Variants in CDHR1 observed in about 807,000 individuals in gnomAD.
CDHR1 encodes the protein cadherin-related family member 1.
In CDHR1, 61 loss-of-function variants were observed where a neutral mutation model predicts 72.1. The ratio of observed to expected loss-of-function variants is 0.85; its 90% CI spans 0.69 to 1.05. The LOEUF (loss-of-function observed/expected upper bound fraction) is 1.05, where lower values mean the gene tolerates loss of function less well. CDHR1 is among the 50% of genes least tolerant of loss of function. The probability of loss-of-function intolerance (pLI) is 0.00; values close to 1 mark genes in which losing one functional copy is unlikely to be tolerated. For missense variants in CDHR1, 1,186 were observed against 1,115.7 expected, an observed-to-expected ratio of 1.06 and a Z score of -0.90; for synonymous variants, 470 against 448.1, an observed-to-expected ratio of 1.05 and a Z score of -0.62.
chr10:84,213,786 C>T (rs1309973169), intron 16 of CDHR1, among the ~76,000 whole-genome samples: 1 of 152,294 alleles, frequency 6.6e-6, no homozygotes, highest in East Asian at 1.9e-4. Context: ...CCAGCTAAAG[C>T]AGGAGTTCTG....
chr10:84,198,845 C>G (rs926016044), intron 4 of CDHR1, among the ~76,000 whole-genome samples, 187 bp from the exon 5 acceptor site: 3 of 152,142 alleles, frequency 2.0e-5, no homozygotes, highest in African/African-American at 7.2e-5. Flanking sequence ...GGATGAAACA[C>G]AGTGTTTGGC....
intron 10 of CDHR1, among the ~76,000 whole-genome samples, chr10:84,206,144 G>A (rs947921144): frequency 9.2e-5 from 14 of 152,182 alleles, no homozygotes; most frequent in Non-Finnish European, 1.8e-4. Context: ...AGCATGGGTG[G>A]GATCCTGCAG....
chr10:84,208,617 C>T, intron 11 of CDHR1, 112 bp from the exon 12 acceptor site: 1 of 1,201,040 alleles, frequency 8.3e-7, no homozygotes, highest in South Asian at 1.3e-5. Flanking sequence ...GATGCAGAAA[C>T]TCTCTTAATA....
chr10:84,201,064 C>T (rs1011019455), intron 6 of CDHR1, among the ~76,000 whole-genome samples: 1 of 152,220 alleles, frequency 6.6e-6, no homozygotes, highest in African/African-American at 2.4e-5. Flanking sequence ...ATTCCCCTAA[C>T]AACACAGGCC....
downstream of CDHR1, chr10:84,219,085 A>G: frequency 9.6e-7 from 1 of 1,046,070 alleles, no homozygotes; most frequent in East Asian, 2.6e-5. Context: ...ATAGGTGAGA[A>G]GACTAAGGTA....
chr10:84,213,083 G>A lies in CDHR1; in HGVS notation c.1783-8G>A, dbSNP rs1311506508. On this transcript the variant is annotated splice_region_variant and splice_polypyrimidine_tract_variant and intron_variant, in intron 15 of 16. Coordinates refer to ENST00000623527, the MANE Select transcript of CDHR1 (RefSeq NM_033100.4). ...AGCCCAGCTCTGTCTGTCTCTCCCT[G>A]CGCACAGGCCATAGACGAGGATGCA... 1 of 1,614,182 alleles carries A rather than the reference G, an allele frequency of 6.2e-7. No individual in the cohort carries two copies. Among genetic ancestry groups the A allele is most frequent in the Admixed American group, 1.7e-5 (1 of 60,022 alleles).
At chr10:84,195,655 A>C in intron 2 of CDHR1, 66 bp downstream of exon 2, 1 of 1,397,352 alleles carries the variant, frequency 7.2e-7, no homozygotes, top group Non-Finnish European at 1.0e-6. Flanking sequence ...TTAGAACACA[A>C]AGTGCCCCAG....
downstream of CDHR1, chr10:84,218,968 T>TAA: frequency 6.3e-5 from 34 of 543,448 alleles, no homozygotes; most frequent in South Asian, 2.3e-4. Flanking sequence ...CTTTGTATGT[T>TAA]AAAAAAAAAG....
Position 84,214,111 on chromosome 10 carries a change from C to T in CDHR1, c.2070C>T (p.Phe690=). The part of the protein sequence containing the change: ...ETLSRSPMAA[F]LIQTKDNPMK... ...TCTCCCGGAGCCCCATGGCTGCCTT[C>T]CTGATACAGACCAAGGACAACCCCA... Residue 690 remains phenylalanine, a synonymous_variant, in exon 17 of 17, where the codon TTC becomes TTT. Transcript: ENST00000623527. 6.2e-7 allele frequency: 1 copy of T among 1,614,250 alleles called. No individual in the cohort carries two copies. The highest frequency in any genetic ancestry group is 8.5e-7 in the Non-Finnish European group (1 of 1,180,052).
chr10:84,198,925 A>G, intron 4 of CDHR1, 107 bp from the exon 5 acceptor site: 3 of 807,790 alleles, frequency 3.7e-6, no homozygotes, highest in Non-Finnish European at 4.2e-6. Context: ...AGAGAGAGAG[A>G]GGAGGGATGG....
In CDHR1 at chr10:84,217,341, G is replaced by A. The variant is rs1842441923; in HGVS notation, c.*2720G>A. The A allele has an allele frequency of 2.0e-6, 2 of 985,466 alleles. No homozygotes were observed. The highest frequency in any genetic ancestry group is 2.4e-6 in the Non-Finnish European group (2 of 829,944). 61.0% of individuals were successfully genotyped at this position (985,466 alleles called of 1,614,324 possible). ...CCTGAGAATGGAGCTGTAGCCTCAT[G>A]GACAATAAATGGATGTGACACCAAA... On this transcript the variant is annotated 3_prime_UTR_variant, in exon 17 of 17. Coordinates refer to ENST00000623527, the MANE Select transcript of CDHR1 (RefSeq NM_033100.4).
intron 12 of CDHR1, 37 bp from the exon 13 acceptor site, chr10:84,210,964 C>T: frequency 1.2e-6 from 2 of 1,612,120 alleles, no homozygotes; most frequent in Non-Finnish European, 8.5e-7. Flanking sequence ...AGCATGAGTG[C>T]CTACCCAGAC....
chr10:84,218,477 CTAGGTGT>C lies in CDHR1; in HGVS notation c.*3864_*3870del, dbSNP rs1474144644. The C allele has an allele frequency of 5.1e-6, 5 of 985,400 alleles. No individual in the cohort carries two copies. The East Asian group carries it at 3.4e-4, about 67-fold the overall frequency. The allele number at this position is 985,400 out of a possible 1,614,324, so 61.0% of individuals were successfully genotyped here. A position where few individuals can be genotyped will look rare whatever the true frequency, so the allele number is the denominator to read the frequency against. On this transcript the variant is annotated 3_prime_UTR_variant, in exon 17 of 17. Transcript: ENST00000623527. The stretch of plus-strand genomic sequence containing the variant: ...TATATCTTCTGTGCCAGGCTCTCTT[CTAGGTGT>C]TAGGTGTATGTCTCTAACAAGATAG...
At chr10:84,211,843 A>C in intron 14 of CDHR1, 128 bp downstream of exon 14, 1 of 864,068 alleles carries the variant, frequency 1.2e-6, no homozygotes, top group Non-Finnish European at 1.9e-6. Context: ...AGAAGTGGAG[A>C]GAGGCAGTGG....
In CDHR1 at chr10:84,217,820, T is replaced by C; in HGVS notation, c.*3199T>C. 8 of 985,446 alleles carry C rather than the reference T, an allele frequency of 8.1e-6. No homozygotes were observed. The highest frequency in any genetic ancestry group is 9.6e-6 in the Non-Finnish European group (8 of 829,962). The allele number at this position is 985,446 out of a possible 1,614,324, so 61.0% of individuals were successfully genotyped here. On this transcript the variant is annotated 3_prime_UTR_variant, in exon 17 of 17. Transcript: ENST00000623527. The stretch of plus-strand genomic sequence containing the variant: ...AGGACAGGGCAGATGCCACAGCATC[T>C]GTGGCCTGTGTAGCCGGCAGCCTGC...
Position 84,218,546 on chromosome 10 carries a change from C to G in CDHR1, c.*3925C>G, listed in dbSNP as rs1842462207. 16 of 985,438 alleles carry G rather than the reference C, an allele frequency of 1.6e-5. No homozygotes were observed. The highest frequency in any genetic ancestry group is 1.9e-5 in the Non-Finnish European group (16 of 829,928). The allele number at this position is 985,438 out of a possible 1,614,324, so 61.0% of individuals were successfully genotyped here. ...AAAAGAAAAAGAACAACATTCCTCT[C>G]TTTAATTGCTAATCGCCTGGGCCTA... On this transcript the variant is annotated 3_prime_UTR_variant, in exon 17 of 17. Transcript: ENST00000623527.
rs1245591042 is a variant in CDHR1 at position 84,198,910 on chromosome 10, G to GAC, written c.349-121_349-120insCA. 6 of 759,116 alleles carry GAC rather than the reference G, an allele frequency of 7.9e-6. No homozygotes were observed. The African/African-American group carries it at 1.0e-4, about 13-fold the overall frequency. 47.0% of individuals were successfully genotyped at this position (759,116 alleles called of 1,614,324 possible). ...TAATGAATAAAAGAAGGAAGAGAGA[G>GAC]AGAGAGAGAGAGAGAGGAGGGATGG... On this transcript the variant is annotated intron_variant, in intron 4 of 16. Transcript: ENST00000623527.
chr10:84,194,972 A>T (rs1842001373), intron 1 of CDHR1, among the ~76,000 whole-genome samples, 157 bp downstream of exon 1: 1 of 152,138 alleles, frequency 6.6e-6, no homozygotes, highest in Non-Finnish European at 1.5e-5. Context: ...TTCCTGGCCC[A>T]TTCGGTAGTG....
chr10:84,199,338 A>G (rs189516322), intron 5 of CDHR1, among the ~76,000 whole-genome samples: 71 of 152,390 alleles, frequency 4.7e-4, no homozygotes, highest in East Asian at 5.8e-4. Flanking sequence ...GTAGAAAAGT[A>G]AGAGAAACTA....
Sources: allele counts gnomAD v4.1 joint callset (sites outside exome capture counted in the v4.1 genomes callset), GRCh38; gene constraint gnomAD v4.1.1; transcripts MANE v1.5; gene names NCBI Gene and HGNC (gene_info 2026-07-23, HGNC 2026-07-21).